The following CACNA1C variants were observed in gnomAD, a reference collection of about 807,000 sequenced individuals.
CACNA1C encodes the protein calcium voltage-gated channel subunit alpha1 C, also known as voltage-dependent L-type calcium channel subunit alpha-1C.
Under a neutral mutation model 229.0 loss-of-function variants are expected in CACNA1C, and 30 were observed. That is an observed-to-expected ratio of 0.13 (90% CI 0.10 to 0.18). The LOEUF (loss-of-function observed/expected upper bound fraction) is 0.18. Among genes scored for constraint, CACNA1C ranks in the 10% least tolerant of loss-of-function variants. The pLI is 1.00. For missense variants in CACNA1C, 1,658 were observed against 2,845.0 expected, an observed-to-expected ratio of 0.58 and a Z score of 9.49; for synonymous variants, 1,114 against 1,132.5, an observed-to-expected ratio of 0.98 and a Z score of 0.33.
intron 10 of CACNA1C, chr12:2,550,601 T>C (rs375955945): frequency 1.5e-6 from 2 of 1,351,710 alleles, no homozygotes; most frequent in Non-Finnish European, 2.0e-6. Context: ...GTGTCACGAC[T>C]GTAAACTCAC....
intron 3 of CACNA1C, among the ~76,000 whole-genome samples, chr12:2,230,288 G>C (rs1036270018): frequency 1.3e-5 from 2 of 152,196 alleles, no homozygotes; most frequent in African/African-American, 2.4e-5. Flanking sequence ...GGACGGCGCC[G>C]GGCTGCGGCT....
At chr12:2,562,897 TTTTAG>T (rs1420483195) in intron 11 of CACNA1C, among the ~76,000 whole-genome samples, 13 of 152,228 alleles carry the variant, frequency 8.5e-5, no homozygotes, top group African/African-American at 2.7e-4. Context: ...AATTCCAGTC[TTTTAG>T]TTTATTTTAA....
intron 3 of CACNA1C, among the ~76,000 whole-genome samples, chr12:2,305,923 A>G (rs1263531067): frequency 2.6e-5 from 4 of 152,226 alleles, no homozygotes; most frequent in Non-Finnish European, 4.4e-5. Context: ...AAGGCTGACC[A>G]TGTGCCAGGC....
chr12:2,368,347 T>C (rs1435515363), intron 3 of CACNA1C, among the ~76,000 whole-genome samples: 4 of 152,174 alleles, frequency 2.6e-5, no homozygotes, highest in African/African-American at 4.8e-5. Context: ...GAGAAAATTA[T>C]CAATATTTGC....
intron 9 of CACNA1C, among the ~76,000 whole-genome samples, chr12:2,520,054 G>C (rs1301395267): frequency 6.6e-6 from 1 of 152,262 alleles, no homozygotes. Context: ...GGCAAGGCTT[G>C]CTAGGTTAAG....
chr12:2,064,070 A>G (rs920019219), intron 1 of CACNA1C, among the ~76,000 whole-genome samples: 3 of 152,202 alleles, frequency 2.0e-5, no homozygotes, highest in Non-Finnish European at 4.4e-5. Flanking sequence ...TTCCTATACC[A>G]GAAATTTGAC....
intron 1 of CACNA1C, among the ~76,000 whole-genome samples, chr12:1,981,730 A>G (rs895196877): frequency 6.6e-5 from 10 of 152,202 alleles, no homozygotes; most frequent in Admixed American, 6.5e-4. Flanking sequence ...CATAAAAGAC[A>G]TATATGCTGC....
chr12:2,135,580 T>A (rs1202981699), intron 3 of CACNA1C, among the ~76,000 whole-genome samples: 1 of 134,940 alleles, frequency 7.4e-6, no homozygotes, highest in African/African-American at 3.4e-5. Context: ...GAGGTGTCAG[T>A]CTGCCCCTGC....
At chr12:2,154,708 T>A (rs1309392132) in intron 3 of CACNA1C, among the ~76,000 whole-genome samples, 1 of 152,242 alleles carries the variant, frequency 6.6e-6, no homozygotes, top group Non-Finnish European at 1.5e-5. Flanking sequence ...CCCTCTCTGA[T>A]GACTGCTGCC....
At chr12:2,282,179 C>T (rs1020170702) in intron 3 of CACNA1C, among the ~76,000 whole-genome samples, 2 of 152,088 alleles carry the variant, frequency 1.3e-5, no homozygotes, top group African/African-American at 2.4e-5. Context: ...GCCAAACTAC[C>T]GATTGGAGAT....
At chr12:2,018,609 C>A (rs1010901096) in intron 1 of CACNA1C, among the ~76,000 whole-genome samples, 2 of 152,164 alleles carry the variant, frequency 1.3e-5, no homozygotes, top group Admixed American at 6.5e-5. Flanking sequence ...TGGAGCCATG[C>A]GTGGGCGTTG....
intron 1 of CACNA1C, among the ~76,000 whole-genome samples, chr12:2,110,936 T>TACCCGTCTCACCCGAGAGGCCAC (rs2081420183): frequency 1.0e-5 from 1 of 97,682 alleles, no homozygotes; most frequent in Admixed American, 1.0e-4. Flanking sequence ...CGAGAGGCCA[T>TACCCGTCTCACCCGAGAGGCCAC]ACCTGTCTCA....
rs1356442432 is a variant in CACNA1C, at chr12:2,181,993, A to C, written c.477+61563A>C. 6.6e-6 allele frequency among the ~76,000 whole-genome samples: 1 copy of C among 152,032 alleles called. No individual in the cohort carries two copies. The highest frequency in any genetic ancestry group is 2.4e-5 in the African/African-American group (1 of 41,390). On this transcript the variant is annotated intron_variant, in intron 3 of 46. Coordinates refer to ENST00000399655, the MANE Select transcript of CACNA1C (RefSeq NM_000719.7). This position sits in a 1 kb window ranked among gnomAD's most constrained non-coding sequence, Gnocchi z 4.0. ...TGGGTTCAATAGGGAGCTCTTCAGA[A>C]ATGGAACATGTTGAGAGGCCAGGAG...
At chr12:1,994,518 GA>G (rs2040332398) in intron 1 of CACNA1C, among the ~76,000 whole-genome samples, 1 of 152,126 alleles carries the variant, frequency 6.6e-6, no homozygotes, top group Non-Finnish European at 1.5e-5. Context: ...ATCAATACCA[GA>G]AATAATCATG....
intron 1 of CACNA1C, among the ~76,000 whole-genome samples, chr12:2,105,134 CAG>C (rs1850726816): frequency 6.6e-6 from 1 of 152,192 alleles, no homozygotes; most frequent in African/African-American, 2.4e-5. Flanking sequence ...CCATAAATAA[CAG>C]AGAGCAAGTG....
At chr12:2,104,357 A>G (rs1384378507) in intron 1 of CACNA1C, among the ~76,000 whole-genome samples, 1 of 152,174 alleles carries the variant, frequency 6.6e-6, no homozygotes, top group African/African-American at 2.4e-5. Flanking sequence ...GAGTTCACTC[A>G]TGATTTGGCT....
intron 3 of CACNA1C, among the ~76,000 whole-genome samples, chr12:2,341,506 C>T (rs1467776868): frequency 6.6e-6 from 1 of 152,156 alleles, no homozygotes; most frequent in Non-Finnish European, 1.5e-5. Context: ...GCTGTGCGGG[C>T]CCTGCGTTTC....
chr12:2,201,496 C>T (rs1323316744), intron 3 of CACNA1C, among the ~76,000 whole-genome samples: 1 of 152,242 alleles, frequency 6.6e-6, no homozygotes, highest in Non-Finnish European at 1.5e-5. Flanking sequence ...TCTCTGTGTT[C>T]TCCCAGACTG....
In CACNA1C at chr12:2,525,302, A is replaced by T. The variant is rs189739252; in HGVS notation, c.1390+12318A>T. Among the ~76,000 whole-genome samples the T allele has an allele frequency of 1.3e-3, 195 of 152,302 alleles. 5 individuals are homozygous for T. The highest frequency in any genetic ancestry group is 0.012 in the Admixed American group (190 of 15,290). ...GTCAGTCAGAGGCTGATAAGGCCTG[A>T]GTGGGAGTGGACAGGCGGGGAAGGA... On this transcript the variant is annotated intron_variant, in intron 9 of 46. Transcript: ENST00000399655.
Sources: gnomAD v4.1 joint callset for allele counts (sites outside exome capture counted in the v4.1 genomes callset) on GRCh38, gnomAD v4.1.1 for gene constraint, Gnocchi (gnomAD v3.1) non-coding constraint, MANE v1.5 for transcripts, NCBI Gene and HGNC (gene_info 2026-07-23, HGNC 2026-07-21) for gene names.